The following GBX1 variants were observed in gnomAD, a reference collection of about 807,000 sequenced individuals.
The protein encoded by GBX1 is homeobox protein GBX-1.
In GBX1, 9 loss-of-function variants were observed where a neutral mutation model predicts 22.9. That is an observed-to-expected ratio of 0.39 (90% CI 0.24 to 0.69). The LOEUF (loss-of-function observed/expected upper bound fraction) is 0.69, where lower values mean the gene tolerates loss of function less well. Among genes scored for constraint, GBX1 ranks in the 30% least tolerant of loss-of-function variants. The pLI, the probability that GBX1 is intolerant of heterozygous loss-of-function variation, is 0.43. For missense variants in GBX1, 494 were observed against 509.2 expected, an observed-to-expected ratio of 0.97 and a Z score of 0.29; for synonymous variants, 203 against 227.3, an observed-to-expected ratio of 0.89 and a Z score of 0.96.
At chr7:151,155,230 T>C (rs545466107) in intron 1 of GBX1, among the ~76,000 whole-genome samples, 1 of 152,200 alleles carries the variant, frequency 6.6e-6, no homozygotes, top group Non-Finnish European at 1.5e-5. Flanking sequence ...TCTTCCTGAT[T>C]TTCACAGGCC....
intron 1 of GBX1, among the ~76,000 whole-genome samples, chr7:151,160,062 C>T (rs1259660316): frequency 1.3e-5 from 2 of 152,132 alleles, no homozygotes; most frequent in East Asian, 3.9e-4. Context: ...CCAGGCCCTT[C>T]GCTCAGGATG....
rs766876227 is a variant in GBX1, at chr7:151,148,691, C to T, written c.990G>A (p.Glu330=). 6.2e-7 allele frequency: 1 copy of T among 1,614,136 alleles called. No individual in the cohort carries two copies. The highest frequency in any genetic ancestry group is 1.1e-5 in the South Asian group (1 of 91,076). ...CAACAATCTTGGGGTTTCTTACGGG[C>T]TCCCCAGAACGGCTGCTCACATTGC... is the stretch of plus-strand genomic sequence containing the variant. The part of the protein sequence containing the change: ...KAGNVSSRSG[E]PVRNPKIVVP... The change falls in exon 2 of 2, where the codon GAG becomes GAA. Residue 330 remains glutamate (E), a synonymous_variant. Coordinates refer to ENST00000297537, the MANE Select transcript of GBX1 (RefSeq NM_001098834.3). This position sits in a 1 kb window ranked among gnomAD's most constrained non-coding sequence, Gnocchi z 5.1.
Position 151,148,826 on chromosome 7 carries a change from G to A in GBX1, c.855C>T (p.Tyr285=), listed in dbSNP as rs575033626. 3 of 1,614,156 alleles carry A rather than the reference G, an allele frequency of 1.9e-6. No homozygotes were observed. Among genetic ancestry groups the A allele is most frequent in the East Asian group, 2.2e-5 (1 of 44,888 alleles). The change falls in exon 2 of 2, where the codon TAC becomes TAT. Residue 285 remains tyrosine (Y), a synonymous_variant. Transcript: ENST00000297537. This position sits in a 1 kb window ranked among gnomAD's most constrained non-coding sequence, Gnocchi z 5.1. ...TCTGAGAGCGCTCTGTCAAGCTCAG[G>A]TATTTCTTGCAATGAAATTCCTTCT... ...ELEKEFHCKK[Y]LSLTERSQIA... is the part of the protein sequence containing the mutation.
rs544173525 is a variant in GBX1, at chr7:151,167,530, C to A, written c.19G>T (p.Gly7Cys). MQRAGGGSAPGGNGGGG... is the reference protein window; with the variant it reads MQRAGGCSAPGGNGGGG... Reference sequence around the variant, plus strand: ...CCGCCGTTGCCCCCAGGGGCGCTACCGCCTCCGGCCCGCTGCATCTTGTTC... The same window carrying A: ...CCGCCGTTGCCCCCAGGGGCGCTACAGCCTCCGGCCCGCTGCATCTTGTTC... The change falls in exon 1 of 2, where the codon GGT (glycine) becomes TGT (cysteine). Residue 7 changes from glycine to cysteine, a missense_variant. Physicochemically the swap from Gly to Cys is radical, Grantham distance 159. Around this residue, in one of 3 missense-constraint regions of GBX1, gnomAD observed 365 missense variants for 340.4 expected, o/e 1.07. Transcript: ENST00000297537. This position sits in a 1 kb window ranked among gnomAD's most constrained non-coding sequence, Gnocchi z 5.9. 3.4e-6 allele frequency: 5 copies of A among 1,463,074 alleles called. No individual in the cohort carries two copies. Among genetic ancestry groups the A allele is most frequent in the Non-Finnish European group, 4.5e-6 (5 of 1,118,944 alleles). 90.6% of individuals were successfully genotyped at this position (1,463,074 alleles called of 1,614,324 possible). A position where few individuals can be genotyped will look rare whatever the true frequency, so the allele number is the denominator to read the frequency against.
chr7:151,156,948 G>A (rs143652164), intron 1 of GBX1, among the ~76,000 whole-genome samples: 5,097 of 130,744 alleles, frequency 0.039, 133 homozygotes, highest in Middle Eastern at 0.064. Flanking sequence ...TCGCACAACT[G>A]TACTCCAGCC....
chr7:151,149,026 G>A lies in GBX1; in HGVS notation c.655C>T (p.Leu219=), dbSNP rs747998051. Residue 219 remains leucine (L), a synonymous_variant, in exon 2 of 2, where the codon CTG becomes TTG. Transcript: ENST00000297537. ...CCTGGGCCCCCTGCAGAACTGTCCAGGAAACCGTCATCCTCGCTGTCACCG... is the reference window on the plus strand; with the variant it reads ...CCTGGGCCCCCTGCAGAACTGTCCAAGAAACCGTCATCCTCGCTGTCACCG... ...SGGDSEDDGF[L]DSSAGGPGAL... 3.1e-6 allele frequency: 5 copies of A among 1,613,956 alleles called. No individual in the cohort carries two copies. Among genetic ancestry groups the A allele is most frequent in the Middle Eastern group, 1.6e-4 (1 of 6,062 alleles).
chr7:151,155,073 A>G (rs778713926), intron 1 of GBX1, among the ~76,000 whole-genome samples: 4 of 152,186 alleles, frequency 2.6e-5, no homozygotes, highest in Non-Finnish European at 5.9e-5. Flanking sequence ...TAGGAAATCA[A>G]TTATCTTGAG....
At chr7:151,153,800 C>T (rs1280554503) in intron 1 of GBX1, among the ~76,000 whole-genome samples, 1 of 151,986 alleles carries the variant, frequency 6.6e-6, no homozygotes, top group African/African-American at 2.4e-5. Flanking sequence ...TGGACTCAAG[C>T]AAACCTCCCA....
Position 151,149,055 on chromosome 7 carries a change from G to A in GBX1, c.626C>T (p.Ser209Leu), listed in dbSNP as rs1273415616. 16 of 1,613,696 alleles carry A rather than the reference G, an allele frequency of 9.9e-6. No individual in the cohort carries two copies. The highest frequency in any genetic ancestry group is 8.3e-5 in the Admixed American group (5 of 59,988). The change falls in exon 2 of 2, where the codon TCA (serine) becomes TTA (leucine). Residue 209 changes from serine to leucine, a missense_variant. Physicochemically the swap from Ser to Leu is moderately radical, Grantham distance 145. This residue lies in a region of GBX1 where 365 missense variants were observed against 340.4 expected (regional missense o/e 1.07). Transcript: ENST00000297537. ...PAGSEQEEEG[S>L]GGDSEDDGFL... ...ACCGTCATCCTCGCTGTCACCGCCTGAGCCCTCTTCCTCCTGTTCGCTGCC... is the reference window on the plus strand; with the variant it reads ...ACCGTCATCCTCGCTGTCACCGCCTAAGCCCTCTTCCTCCTGTTCGCTGCC...
intron 1 of GBX1, among the ~76,000 whole-genome samples, chr7:151,160,466 G>C (rs1801178123): frequency 6.6e-6 from 1 of 152,174 alleles, no homozygotes; most frequent in Non-Finnish European, 1.5e-5. Context: ...TCCCCAGTCA[G>C]AAGTATTTTC....
chr7:151,156,744 G>A (rs1801139711), intron 1 of GBX1, among the ~76,000 whole-genome samples: 1 of 152,060 alleles, frequency 6.6e-6, no homozygotes, highest in Admixed American at 6.6e-5. Context: ...TAGCACTTTG[G>A]GAGGCTGAGG....
At position 151,148,553 on chromosome 7, in the gene GBX1, CAGAT is replaced by C; in HGVS notation, c.*32_*35del. ...GACAGTCTCAGAGCAGGCTCAGGTA[CAGAT>C]CCCTCGCCTTCCTAAGTTCTTGGGT... On this transcript the variant is annotated 3_prime_UTR_variant, in exon 2 of 2. Coordinates refer to ENST00000297537, the MANE Select transcript of GBX1 (RefSeq NM_001098834.3). This position sits in a 1 kb window ranked among gnomAD's most constrained non-coding sequence, Gnocchi z 5.1. 3 of 1,589,172 alleles carry C rather than the reference CAGAT, an allele frequency of 1.9e-6. No individual in the cohort carries two copies. The highest frequency in any genetic ancestry group is 2.6e-6 in the Non-Finnish European group (3 of 1,163,690).
intron 1 of GBX1, among the ~76,000 whole-genome samples, chr7:151,166,474 AC>A (rs376110409): frequency 0.034 from 2,376 of 70,434 alleles, 111 homozygotes; most frequent in East Asian, 0.29. Flanking sequence ...TTGAGACGCA[AC>A]CCCCCCCCCC....
intron 1 of GBX1, 70 bp from the exon 2 acceptor site, chr7:151,149,212 G>A: frequency 1.4e-6 from 2 of 1,457,324 alleles, no homozygotes; most frequent in Admixed American, 2.1e-5. Context: ...GGAGGCCCAT[G>A]GAACCATGGC....
At chr7:151,166,840 A>G (rs952925671) in intron 1 of GBX1, among the ~76,000 whole-genome samples, 171 bp downstream of exon 1, 5 of 152,210 alleles carry the variant, frequency 3.3e-5, no homozygotes, top group African/African-American at 1.2e-4. Context: ...TCTGGAATCT[A>G]AAGAGGCTGT....
Position 151,148,909 on chromosome 7 carries a change from C to T in GBX1, c.772G>A (p.Gly258Arg), listed in dbSNP as rs527931311. 4.3e-6 allele frequency: 7 copies of T among 1,614,176 alleles called. No individual in the cohort carries two copies. The highest frequency in any genetic ancestry group is 1.7e-5 in the Admixed American group (1 of 60,014). Residue 258 changes from glycine to arginine, a missense_variant, in exon 2 of 2, where the codon GGG becomes AGG. By Grantham distance (125) the Gly-to-Arg change is moderately radical. Transcript: ENST00000297537. This position sits in a 1 kb window ranked among gnomAD's most constrained non-coding sequence, Gnocchi z 5.1. ...GTGCGGCGCCGTCGGCTTTTCCCCC[C>T]AGGAGCTGTGACCCCTGCTGTCACC... ...APVTAGVTAP[G>R]GKSRRRRTAF...
rs1801044531 is a variant in GBX1, at chr7:151,148,853, C to T, written c.828G>A (p.Leu276=). The T allele has an allele frequency of 6.2e-7, 1 of 1,614,172 alleles. No individual in the cohort carries two copies. The highest frequency in any genetic ancestry group is 1.1e-5 in the South Asian group (1 of 91,084). The stretch of plus-strand genomic sequence containing the variant: ...ATTTCTTGCAATGAAATTCCTTCTC[C>T]AATTCCAAAAGCTGCTCGCTGGTAA... ...TAFTSEQLLE[L]EKEFHCKKYL... Residue 276 remains leucine, a synonymous_variant, in exon 2 of 2, where the codon TTG becomes TTA. Coordinates refer to ENST00000297537, the MANE Select transcript of GBX1 (RefSeq NM_001098834.3). The surrounding 1 kb of genome is among the most constrained non-coding windows in gnomAD (Gnocchi z 5.1).
rs1239997748 is a variant in GBX1 at position 151,148,278 on chromosome 7, G to A, written c.*311C>T. Among the ~76,000 whole-genome samples, 1 of 152,138 alleles carries A rather than the reference G, an allele frequency of 6.6e-6. No homozygotes were observed. Among genetic ancestry groups the A allele is most frequent in the Non-Finnish European group, 1.5e-5 (1 of 68,016 alleles). Reference sequence around the variant, plus strand: ...TTTGCCACAGAACCTTCAGGCCTTAGGCATCTTAGAACCCACCCCCTCCCC... The same window carrying A: ...TTTGCCACAGAACCTTCAGGCCTTAAGCATCTTAGAACCCACCCCCTCCCC... On this transcript the variant is annotated 3_prime_UTR_variant, in exon 2 of 2. Coordinates refer to ENST00000297537, the MANE Select transcript of GBX1 (RefSeq NM_001098834.3). This position sits in a 1 kb window ranked among gnomAD's most constrained non-coding sequence, Gnocchi z 5.1.
intron 1 of GBX1, among the ~76,000 whole-genome samples, chr7:151,166,176 A>G (rs1801247567): frequency 6.6e-6 from 1 of 152,114 alleles, no homozygotes; most frequent in Non-Finnish European, 1.5e-5. Flanking sequence ...CTCTAATTGA[A>G]TGGACTCTAA....
Sources: gnomAD v4.1 joint callset for allele counts (sites outside exome capture counted in the v4.1 genomes callset) on GRCh38, gnomAD v4.1.1 for gene constraint, gnomAD v4.1.1 regional missense constraint, Gnocchi (gnomAD v3.1) non-coding constraint, MANE v1.5 for transcripts, NCBI Gene and HGNC (gene_info 2026-07-23, HGNC 2026-07-21) for gene names.